RAB4A: variants seen among roughly 807,000 people sequenced by gnomAD.
RAB4A encodes ras-related protein Rab-4A.
Under a neutral mutation model 34.5 loss-of-function variants are expected in RAB4A, and 20 were observed. That is an observed-to-expected ratio of 0.58 (90% CI 0.41 to 0.84). The LOEUF is 0.84. Ranked by LOEUF, RAB4A falls within the 40% of genes least tolerant of loss-of-function variation. The pLI is 0.00. For missense variants in RAB4A, 228 were observed against 274.5 expected, an observed-to-expected ratio of 0.83 and a Z score of 1.20; for synonymous variants, 102 against 100.0, an observed-to-expected ratio of 1.02 and a Z score of -0.12.
intron 6 of RAB4A, among the ~76,000 whole-genome samples, chr1:229,302,276 TATATATATATATATATATATATATATATA>T (rs1657408745): frequency 7.8e-4 from 21 of 26,986 alleles, no homozygotes; most frequent in South Asian, 2.4e-3. Flanking sequence ...TATATATATA[TATATATATATATATATATATATATATATA>T]TATATTTTTT....
Position 229,304,928 on chromosome 1 carries a change from A to T in RAB4A, c.*1135A>T, listed in dbSNP as rs1657510379. 2 of 440,840 alleles carry T rather than the reference A, an allele frequency of 4.5e-6. No individual in the cohort carries two copies. The highest frequency in any genetic ancestry group is 1.1e-4 in the East Asian group (2 of 18,736). The allele number at this position is 440,840 out of a possible 1,614,324, so 27.3% of individuals were successfully genotyped here. On this transcript the variant is annotated 3_prime_UTR_variant, in exon 8 of 8. Transcript: ENST00000366690. ...TTGTATTTTAAAATGTCAGTGCAAA[A>T]AATATATGGTGGAACCTTTCTTTAA...
At chr1:229,298,904 A>G in intron 5 of RAB4A, 73 bp from the exon 6 acceptor site, 2 of 1,082,612 alleles carry the variant, frequency 1.8e-6, no homozygotes, top group East Asian at 2.4e-5. Context: ...AGAGAATGCT[A>G]CACAGGCTTT....
chr1:229,305,206 T>C lies in RAB4A; in HGVS notation c.*1413T>C, dbSNP rs1223072427. 6 of 1,609,672 alleles carry C rather than the reference T, an allele frequency of 3.7e-6. No individual in the cohort carries two copies. Among genetic ancestry groups the C allele is most frequent in the Non-Finnish European group, 5.1e-6 (6 of 1,178,096 alleles). ...AGTTTTGCTTTTTTTATGCCTTGAA[T>C]ATTTTATTTCAAAAAGTATCTGAAG... On this transcript the variant is annotated 3_prime_UTR_variant, in exon 8 of 8. Coordinates refer to ENST00000366690, the MANE Select transcript of RAB4A (RefSeq NM_004578.4).
chr1:229,299,055 T>A lies in RAB4A; in HGVS notation c.524T>A (p.Leu175His). The A allele has an allele frequency of 1.2e-6, 2 of 1,605,614 alleles. No individual in the cohort carries two copies. Among genetic ancestry groups the A allele is most frequent in the Non-Finnish European group, 1.7e-6 (2 of 1,177,772 alleles). Residue 175 changes from leucine (L) to histidine (H), a missense_variant, in exon 6 of 8, where the codon CTT (leucine) becomes CAT (histidine). Coordinates refer to ENST00000366690, the MANE Select transcript of RAB4A (RefSeq NM_004578.4). ...EAFVQCARKI[L>H]NKIESGELDP... is the part of the protein sequence containing the mutation. Reference sequence around the variant, plus strand: ...TTTGTACAGTGTGCAAGAAAAATACTTAACAAAATCGAATCAGGTAAAAGC... The same window carrying A: ...TTTGTACAGTGTGCAAGAAAAATACATAACAAAATCGAATCAGGTAAAAGC...
intron 1 of RAB4A, among the ~76,000 whole-genome samples, chr1:229,277,560 G>A (rs182568126): frequency 1.3e-5 from 2 of 151,322 alleles, no homozygotes; most frequent in African/African-American, 4.9e-5. Context: ...CCAGCTCCTC[G>A]TTGCTGTTAT....
chr1:229,286,614 C>A, intron 2 of RAB4A, 48 bp downstream of exon 2: 1 of 1,153,864 alleles, frequency 8.7e-7, no homozygotes, highest in Admixed American at 2.7e-5. Context: ...CTTCTGAGAG[C>A]CCTCTCACTC....
Position 229,303,990 on chromosome 1 carries a change from C to A in RAB4A, c.*197C>A, listed in dbSNP as rs990359730. 5 of 152,118 alleles carry A rather than the reference C, an allele frequency of 3.3e-5. No individual in the cohort carries two copies. Among genetic ancestry groups the A allele is most frequent in the Non-Finnish European group, 5.9e-5 (4 of 68,028 alleles). The allele number at this position is 152,118 out of a possible 1,614,324, so 9.4% of individuals were successfully genotyped here. On this transcript the variant is annotated 3_prime_UTR_variant, in exon 8 of 8. Transcript: ENST00000366690. ...TATAAATCGAATTAAATGGACAACA[C>A]CGTTAGATGTGTATGTAAAAATTTT...
chr1:229,285,479 C>A (rs1412294165), intron 1 of RAB4A, among the ~76,000 whole-genome samples: 1 of 152,158 alleles, frequency 6.6e-6, no homozygotes, highest in Non-Finnish European at 1.5e-5. Flanking sequence ...GGAACACACT[C>A]TTGGAGCTTA....
chr1:229,277,715 T>C (rs1366026372), intron 1 of RAB4A, among the ~76,000 whole-genome samples: 1 of 151,248 alleles, frequency 6.6e-6, no homozygotes, highest in African/African-American at 2.5e-5. Flanking sequence ...TCCTTGACTT[T>C]AGTCAAGATG....
At chr1:229,282,946 C>G (rs1656812783) in intron 1 of RAB4A, among the ~76,000 whole-genome samples, 1 of 152,172 alleles carries the variant, frequency 6.6e-6, no homozygotes, top group Non-Finnish European at 1.5e-5. Context: ...AGGAATATGT[C>G]TGTTACCTTT....
At chr1:229,302,280 TATATATATATATATATA>T (rs1558242235) in intron 6 of RAB4A, among the ~76,000 whole-genome samples, 225 of 19,818 alleles carry the variant, frequency 0.011, 7 homozygotes, top group Non-Finnish European at 0.017. Context: ...TATATATATA[TATATATATATATATATA>T]TATATATATA....
Position 229,295,858 on chromosome 1 carries a change from A to AG in RAB4A, c.239dup (p.Ser81LysfsTer14). 1 of 1,614,086 alleles carries AG rather than the reference A, an allele frequency of 6.2e-7. No individual in the cohort carries two copies. The highest frequency in any genetic ancestry group is 8.5e-7 in the Non-Finnish European group (1 of 1,180,004). ...GTATAATTCTTCCAGGTCCGTGACG[A>AG]GAAGTTATTACCGAGGCGCGGCCGG... is the stretch of plus-strand genomic sequence containing the variant. On this transcript the variant is annotated frameshift_variant, in exon 4 of 8. Transcript: ENST00000366690. LOFTEE classifies it high-confidence loss of function.
chr1:229,271,918 C>T (rs576611211), intron 1 of RAB4A, among the ~76,000 whole-genome samples: 2 of 152,284 alleles, frequency 1.3e-5, no homozygotes, highest in Admixed American at 1.3e-4. Context: ...CTCCCTCCCT[C>T]TCAGTGTTTT....
chr1:229,279,035 C>T (rs1405545358), intron 1 of RAB4A, among the ~76,000 whole-genome samples: 1 of 152,348 alleles, frequency 6.6e-6, no homozygotes, highest in South Asian at 2.1e-4. Context: ...TATTCCTTCT[C>T]AGAACCTTCA....
rs893210435 is a variant in RAB4A at position 229,304,392 on chromosome 1, A to G, written c.*599A>G. The G allele has an allele frequency of 6.6e-6, 1 of 152,200 alleles. No homozygotes were observed. Among genetic ancestry groups the G allele is most frequent in the East Asian group, 1.9e-4 (1 of 5,184 alleles). 9.4% of individuals were successfully genotyped at this position (152,200 alleles called of 1,614,324 possible). On this transcript the variant is annotated 3_prime_UTR_variant, in exon 8 of 8. Transcript: ENST00000366690. ...CTAATATACCAAAATAAAATGAAAA[A>G]TTGAGTTTTTCCGTGAACTTTATAC...
chr1:229,280,984 A>G lies in RAB4A; in HGVS notation c.32-5502A>G, dbSNP rs113867236. Among the ~76,000 whole-genome samples, 378 of 152,260 alleles carry G rather than the reference A, an allele frequency of 2.5e-3. 2 individuals are homozygous for G. The highest frequency in any genetic ancestry group is 8.4e-3 in the African/African-American group (351 of 41,548). ...TTAATCCTTGTTATTTCCGAGTAGC[A>G]TTTCTTGTTATGAGTGTACCAAAGA... On this transcript the variant is annotated intron_variant, in intron 1 of 7. Coordinates refer to ENST00000366690, the MANE Select transcript of RAB4A (RefSeq NM_004578.4).
At chr1:229,291,146 T>A (rs148003569) in intron 3 of RAB4A, among the ~76,000 whole-genome samples, 1 of 152,302 alleles carries the variant, frequency 6.6e-6, no homozygotes, top group Admixed American at 6.5e-5. Context: ...CCTTCAAAAC[T>A]CAGGGTGAAA....
chr1:229,282,373 T>C (rs12121734), intron 1 of RAB4A, among the ~76,000 whole-genome samples: 10,317 of 152,284 alleles, frequency 0.068, 454 homozygotes, highest in Non-Finnish European at 0.1. Context: ...TTTTTATTTG[T>C]CTTCAGTTTT....
intron 1 of RAB4A, among the ~76,000 whole-genome samples, chr1:229,274,412 A>G (rs1656585774): frequency 6.6e-6 from 1 of 152,102 alleles, no homozygotes; most frequent in African/African-American, 2.4e-5. Context: ...TTCATTTAAT[A>G]TGCTTTTTAA....
Sources: allele counts gnomAD v4.1 joint callset (sites outside exome capture counted in the v4.1 genomes callset), GRCh38; gene constraint gnomAD v4.1.1; transcripts MANE v1.5; gene names NCBI Gene and HGNC (gene_info 2026-07-23, HGNC 2026-07-21).